Variants in KCNC1 observed in about 807,000 individuals in gnomAD.
KCNC1 encodes potassium voltage-gated channel subfamily C member 1.
Under a neutral mutation model 43.4 loss-of-function variants are expected in KCNC1, and 8 were observed. That is an observed-to-expected ratio of 0.18 (90% confidence interval 0.11 to 0.33). The LOEUF is 0.33. Ranked by LOEUF, KCNC1 falls within the 10% of genes least tolerant of loss-of-function variation. The pLI is 1.00. For synonymous variants in KCNC1, 361 were observed against 360.5 expected (o/e 1.00, Z -0.01); for missense variants, 420 against 836.0 (o/e 0.50, Z 6.14).
intron 1 of KCNC1, among the ~76,000 whole-genome samples, chr11:17,770,972 G>C (rs148197139): frequency 6.6e-6 from 1 of 152,318 alleles, no homozygotes; most frequent in Non-Finnish European, 1.5e-5. Flanking sequence ...TCCAAGGACA[G>C]GGAACTCATT....
intron 1 of KCNC1, among the ~76,000 whole-genome samples, chr11:17,743,941 A>G (rs1429270778): frequency 1.3e-5 from 2 of 152,064 alleles, no homozygotes; most frequent in Admixed American, 1.3e-4. Context: ...AGTTTGTGAG[A>G]TGTGAGCTGG....
At chr11:17,774,755 C>G (rs1388485784) in intron 2 of KCNC1, 1 of 985,330 alleles carries the variant, frequency 1.0e-6, no homozygotes, top group African/African-American at 1.7e-5. Context: ...CAAGCTTGCC[C>G]TCTGGAGCTT....
chr11:17,777,780 T>G lies in KCNC1; in HGVS notation c.1505-1676T>G, dbSNP rs1849302492. The G allele has an allele frequency of 1.0e-6, 1 of 986,268 alleles. No individual in the cohort carries two copies. The highest frequency in any genetic ancestry group is 1.2e-6 in the Non-Finnish European group (1 of 830,050). 61.1% of individuals were successfully genotyped at this position (986,268 alleles called of 1,614,324 possible). Reference sequence around the variant, plus strand: ...TTAAGTTCCAAAATTATGATGGGATTTTTTTGGATTTGCTTTACGAATAAA... The same window carrying G: ...TTAAGTTCCAAAATTATGATGGGATGTTTTTGGATTTGCTTTACGAATAAA... On this transcript the variant is annotated intron_variant, in intron 2 of 3. Transcript: ENST00000265969. This position sits in a 1 kb window ranked among gnomAD's most constrained non-coding sequence, Gnocchi z 4.3.
rs1848854493 is a variant in KCNC1 at position 17,742,502 on chromosome 11, G to C, written c.570+5930G>C. ...GGCCTTGAGCCACTGCCTCCCATCA[G>C]CTCTGGGGCCAGCCTGGCTACCACC... On this transcript the variant is annotated intron_variant, in intron 1 of 3. Coordinates refer to ENST00000265969, the MANE Select transcript of KCNC1 (RefSeq NM_001112741.2). This position sits in a 1 kb window ranked among gnomAD's most constrained non-coding sequence, Gnocchi z 4.2. Among the ~76,000 whole-genome samples, 1 of 152,220 alleles carries C rather than the reference G, an allele frequency of 6.6e-6. No individual in the cohort carries two copies. Among genetic ancestry groups the C allele is most frequent in the South Asian group, 2.1e-4 (1 of 4,828 alleles).
rs1849327210 is a variant in KCNC1 at position 17,779,818 on chromosome 11, A to G, written c.1693+174A>G. On this transcript the variant is annotated intron_variant, in intron 3 of 3. Coordinates refer to ENST00000265969, the MANE Select transcript of KCNC1 (RefSeq NM_001112741.2). The surrounding 1 kb of genome is among the most constrained non-coding windows in gnomAD (Gnocchi z 7.2). ...CTGGAGGGCTGAGGCCCTTCCCCCC[A>G]AGTGAGATGTCAGGCTGGCAGAGAG... 1 of 478,702 alleles carries G rather than the reference A, an allele frequency of 2.1e-6. No homozygotes were observed. The highest frequency in any genetic ancestry group is 2.0e-5 in the African/African-American group (1 of 50,154). The allele number at this position is 478,702 out of a possible 1,614,324, so 29.7% of individuals were successfully genotyped here.
intron 1 of KCNC1, among the ~76,000 whole-genome samples, chr11:17,764,114 C>A (rs756529671): frequency 7.3e-6 from 1 of 137,910 alleles, no homozygotes; most frequent in East Asian, 2.2e-4. Context: ...CACCACCACA[C>A]GTCTCCATAG....
chr11:17,752,360 G>T (rs928685188), intron 1 of KCNC1, among the ~76,000 whole-genome samples: 1 of 152,168 alleles, frequency 6.6e-6, no homozygotes, highest in Non-Finnish European at 1.5e-5. Context: ...ACCAGGTCCC[G>T]ATGAGAGTGG....
rs1318620978 is a variant in KCNC1 at position 17,739,050 on chromosome 11, C to T, written c.570+2478C>T. Among the ~76,000 whole-genome samples the T allele has an allele frequency of 6.6e-6, 1 of 152,230 alleles. No individual in the cohort carries two copies. Among genetic ancestry groups the T allele is most frequent in the African/African-American group, 2.4e-5 (1 of 41,474 alleles). ...GCCGCCCGCCCGGCTGGCCTAGCTG[C>T]ACTGCGCTGCCTCTCTGCGGCTCAT... On this transcript the variant is annotated intron_variant, in intron 1 of 3. Transcript: ENST00000265969. The surrounding 1 kb of genome is among the most constrained non-coding windows in gnomAD (Gnocchi z 4.2).
Position 17,736,696 on chromosome 11 carries a change from G to C in KCNC1, c.570+124G>C. The C allele has an allele frequency of 7.2e-7, 1 of 1,396,010 alleles. No individual in the cohort carries two copies. The highest frequency in any genetic ancestry group is 9.4e-7 in the Non-Finnish European group (1 of 1,065,614). The allele number at this position is 1,396,010 out of a possible 1,614,324, so 86.5% of individuals were successfully genotyped here. On this transcript the variant is annotated intron_variant, in intron 1 of 3. Coordinates refer to ENST00000265969, the MANE Select transcript of KCNC1 (RefSeq NM_001112741.2). The surrounding 1 kb of genome is among the most constrained non-coding windows in gnomAD (Gnocchi z 9.3). ...TTCAGAATCGAAAGGGGGTGTGTGC[G>C]CATGTGTGCACGTACCAGGGTAAGA...
chr11:17,777,566 C>T lies in KCNC1; in HGVS notation c.1505-1890C>T. On this transcript the variant is annotated intron_variant, in intron 2 of 3. Transcript: ENST00000265969. This position sits in a 1 kb window ranked among gnomAD's most constrained non-coding sequence, Gnocchi z 4.3. ...GAGGCAGGACCAGCGTGTCTGCGAG[C>T]ACACGTGTGTGCCTGCAGACATGCC... 1.0e-6 allele frequency: 1 copy of T among 985,840 alleles called. No homozygotes were observed. The highest frequency in any genetic ancestry group is 1.2e-6 in the Non-Finnish European group (1 of 829,924). 61.1% of individuals were successfully genotyped at this position (985,840 alleles called of 1,614,324 possible). A position where few individuals can be genotyped will look rare whatever the true frequency, so the allele number is the denominator to read the frequency against.
In KCNC1 at chr11:17,776,802, C is replaced by T. The variant is rs1849293512; in HGVS notation, c.1505-2654C>T. 1 of 985,292 alleles carries T rather than the reference C, an allele frequency of 1.0e-6. No individual in the cohort carries two copies. The highest frequency in any genetic ancestry group is 1.2e-6 in the Non-Finnish European group (1 of 829,996). 61.0% of individuals were successfully genotyped at this position (985,292 alleles called of 1,614,324 possible). ...GGTTCCCCAGATTTATACAGTTGGC[C>T]CCTCGTTGGTTTCTCTTTCTTCAAG... On this transcript the variant is annotated intron_variant, in intron 2 of 3. Coordinates refer to ENST00000265969, the MANE Select transcript of KCNC1 (RefSeq NM_001112741.2). This position sits in a 1 kb window ranked among gnomAD's most constrained non-coding sequence, Gnocchi z 4.4.
intron 1 of KCNC1, among the ~76,000 whole-genome samples, chr11:17,746,154 G>A (rs746552063): frequency 9.2e-5 from 14 of 152,292 alleles, no homozygotes; most frequent in Non-Finnish European, 1.5e-4. Context: ...CTGGCCTCAC[G>A]TGGGAGCACA....
At chr11:17,749,297 A>G (rs1056689618) in intron 1 of KCNC1, among the ~76,000 whole-genome samples, 1 of 152,208 alleles carries the variant, frequency 6.6e-6, no homozygotes, top group African/African-American at 2.4e-5. Context: ...GCCCACGATC[A>G]CTCACACCTC....
intron 1 of KCNC1, among the ~76,000 whole-genome samples, chr11:17,767,400 C>T (rs1849166536): frequency 6.6e-6 from 1 of 152,174 alleles, no homozygotes; most frequent in African/African-American, 2.4e-5. Context: ...CCTTTCTGTA[C>T]CTGCATTTCC....
intron 1 of KCNC1, among the ~76,000 whole-genome samples, chr11:17,762,054 C>T (rs569455997): frequency 6.6e-6 from 1 of 152,338 alleles, no homozygotes; most frequent in South Asian, 2.1e-4. Flanking sequence ...CCAGAGACAG[C>T]TCCTCCGGCC....
intron 1 of KCNC1, among the ~76,000 whole-genome samples, chr11:17,747,347 T>C (rs916130652): frequency 5.3e-5 from 8 of 152,094 alleles, no homozygotes; most frequent in African/African-American, 1.9e-4. Context: ...AAGGGGAGGA[T>C]GATGGAACGT....
At chr11:17,763,933 G>A (rs1448664227) in intron 1 of KCNC1, among the ~76,000 whole-genome samples, 13 of 75,984 alleles carry the variant, frequency 1.7e-4, no homozygotes, top group Non-Finnish European at 2.2e-4. Flanking sequence ...ACATATACAC[G>A]CCCACACACA....
chr11:17,749,184 G>C (rs1181711001), intron 1 of KCNC1, among the ~76,000 whole-genome samples: 1 of 152,232 alleles, frequency 6.6e-6, no homozygotes, highest in Non-Finnish European at 1.5e-5. Context: ...GCTGTCAAGA[G>C]GGGATAACGA....
chr11:17,760,978 TCTGGC>T (rs1849071290), intron 1 of KCNC1, among the ~76,000 whole-genome samples: 6 of 152,342 alleles, frequency 3.9e-5, no homozygotes, highest in Non-Finnish European at 5.9e-5. Flanking sequence ...AGTCGGCAGC[TCTGGC>T]TTGAGCCCCA....
Sources: allele counts gnomAD v4.1 joint callset (sites outside exome capture counted in the v4.1 genomes callset), GRCh38; gene constraint gnomAD v4.1.1; non-coding constraint Gnocchi (gnomAD v3.1); transcripts MANE v1.5; gene names NCBI Gene and HGNC (gene_info 2026-07-23, HGNC 2026-07-21).